Variants in SLCO2B1 observed in about 807,000 individuals in gnomAD.
The protein encoded by SLCO2B1 is OATP-RP2.
Under a neutral mutation model 67.3 loss-of-function variants are expected in SLCO2B1, and 41 were observed. That is an observed-to-expected ratio of 0.61 (90% CI 0.47 to 0.79). SLCO2B1 has a LOEUF of 0.79. Among genes scored for constraint, SLCO2B1 ranks in the 30% least tolerant of loss-of-function variants. SLCO2B1 has a pLI of 0.00. For missense variants in SLCO2B1, 837 were observed against 920.1 expected (o/e 0.91, Z 1.17); for synonymous variants, 379 against 381.4 (o/e 0.99, Z 0.07).
At chr11:75,191,530 T>C (rs1380008024) in intron 8 of SLCO2B1, among the ~76,000 whole-genome samples, 1 of 152,186 alleles carries the variant, frequency 6.6e-6, no homozygotes, top group Non-Finnish European at 1.5e-5. Context: ...TGTTTGTTTT[T>C]ATTTTCTGGT....
Position 75,206,478 on chromosome 11 carries a change from G to A in SLCO2B1, c.*1898G>A, listed in dbSNP as rs149229560. ...ATGGAATAAGGTCATGAGGATTTCT[G>A]AATCCTCACCTGTCCAAATTGTCAT... is the stretch of plus-strand genomic sequence containing the variant. On this transcript the variant is annotated 3_prime_UTR_variant, in exon 14 of 14. Transcript: ENST00000289575. 7 of 152,256 alleles carry A rather than the reference G, an allele frequency of 4.6e-5. No individual in the cohort carries two copies. The East Asian group carries it at 1.4e-3, about 29-fold the overall frequency. 9.4% of individuals were successfully genotyped at this position (152,256 alleles called of 1,614,324 possible). A position where few individuals can be genotyped will look rare whatever the true frequency, so the allele number is the denominator to read the frequency against.
In SLCO2B1 at chr11:75,206,287, A is replaced by T. The variant is rs953515433; in HGVS notation, c.*1707A>T. 1.3e-5 allele frequency: 2 copies of T among 152,246 alleles called. No homozygotes were observed. The highest frequency in any genetic ancestry group is 4.8e-5 in the African/African-American group (2 of 41,464). 9.4% of individuals were successfully genotyped at this position (152,246 alleles called of 1,614,324 possible). ...TCTATTACAAAAATTCTTTCTTCAT[A>T]AACTGCATTAGAGGTTTGCAACAAC... On this transcript the variant is annotated 3_prime_UTR_variant, in exon 14 of 14. Transcript: ENST00000289575.
intron 1 of SLCO2B1, among the ~76,000 whole-genome samples, chr11:75,152,881 G>A (rs2140298826): frequency 6.6e-6 from 1 of 152,294 alleles, no homozygotes; most frequent in African/African-American, 2.4e-5. Context: ...GGGAATGTGG[G>A]TGGGGTAGGA....
intron 1 of SLCO2B1, among the ~76,000 whole-genome samples, chr11:75,162,288 G>C (rs1000283708): frequency 1.3e-5 from 2 of 152,186 alleles, no homozygotes; most frequent in African/African-American, 2.4e-5. Context: ...CCCAAGGCAG[G>C]CTGAGAGTCT....
intron 1 of SLCO2B1, 139 bp downstream of exon 1, chr11:75,151,536 G>A (rs566867260): frequency 1.1e-4 from 93 of 813,612 alleles, no homozygotes; most frequent in African/African-American, 9.1e-4. Flanking sequence ...GCACATGGCC[G>A]GAGTTCAGTG....
Position 75,151,182 on chromosome 11 carries a change from G to C in SLCO2B1, c.-200G>C. On this transcript the variant is annotated 5_prime_UTR_variant, in exon 1 of 14. Transcript: ENST00000289575. ...GAGTTTGAGCAAGACTCCCTAACCT[G>C]TGTCTGGACAAGTCTGATGTCCTGT... is the stretch of plus-strand genomic sequence containing the variant. The C allele has an allele frequency of 1.7e-6, 1 of 584,724 alleles. No individual in the cohort carries two copies. Among genetic ancestry groups the C allele is most frequent in the South Asian group, 2.2e-5 (1 of 45,670 alleles). 36.2% of individuals were successfully genotyped at this position (584,724 alleles called of 1,614,324 possible).
At chr11:75,170,053 G>A in intron 6 of SLCO2B1, 1 of 367,812 alleles carries the variant, frequency 2.7e-6, no homozygotes, top group South Asian at 3.1e-5. Flanking sequence ...TCTTCGCCTT[G>A]TTCCATACCC....
At chr11:75,173,267 C>T (rs112971141) in intron 7 of SLCO2B1, among the ~76,000 whole-genome samples, 1 of 152,144 alleles carries the variant, frequency 6.6e-6, no homozygotes, top group African/African-American at 2.4e-5. Flanking sequence ...GGAAGACTTC[C>T]CTGAAGAGGA....
chr11:75,170,516 C>T (rs1236392343), intron 6 of SLCO2B1, among the ~76,000 whole-genome samples: 2 of 152,190 alleles, frequency 1.3e-5, no homozygotes, highest in African/African-American at 2.4e-5. Context: ...CAGCTCCCAA[C>T]TCGTCGCACC....
intron 3 of SLCO2B1, among the ~76,000 whole-genome samples, chr11:75,164,985 G>A (rs1295252437): frequency 2.0e-5 from 3 of 152,126 alleles, no homozygotes; most frequent in African/African-American, 4.8e-5. Flanking sequence ...CTCCCCCAGC[G>A]AGGAGTGTCT....
intron 6 of SLCO2B1, among the ~76,000 whole-genome samples, chr11:75,170,279 T>C (rs1949942926): frequency 6.6e-6 from 1 of 152,216 alleles, no homozygotes; most frequent in South Asian, 2.1e-4. Context: ...TACTGTGACC[T>C]CTAAGAACCC....
intron 8 of SLCO2B1, among the ~76,000 whole-genome samples, chr11:75,192,561 G>T (rs557129012): frequency 6.6e-6 from 1 of 152,218 alleles, no homozygotes; most frequent in South Asian, 2.1e-4. Flanking sequence ...TGGGTGGGGC[G>T]GGGGAGAGGA....
At chr11:75,198,366 G>A (rs1945132497) in intron 10 of SLCO2B1, among the ~76,000 whole-genome samples, 1 of 152,250 alleles carries the variant, frequency 6.6e-6, no homozygotes, top group African/African-American at 2.4e-5. Flanking sequence ...GGAATGTGCT[G>A]AATAAATGCT....
intron 7 of SLCO2B1, among the ~76,000 whole-genome samples, chr11:75,175,903 A>G (rs1347119434): frequency 1.3e-5 from 2 of 152,146 alleles, no homozygotes; most frequent in African/African-American, 4.8e-5. Flanking sequence ...CCCCACAGAG[A>G]AGAGCAGGAC....
At chr11:75,157,519 C>T (rs1307171820) in intron 1 of SLCO2B1, among the ~76,000 whole-genome samples, 3 of 151,922 alleles carry the variant, frequency 2.0e-5, no homozygotes, top group Non-Finnish European at 4.4e-5. Flanking sequence ...GGATGAATGG[C>T]GATGTCAGGA....
intron 7 of SLCO2B1, 49 bp downstream of exon 7, chr11:75,172,618 C>T (rs1949976287): frequency 4.6e-6 from 7 of 1,508,898 alleles, no homozygotes; most frequent in Non-Finnish European, 6.4e-6. Context: ...CAGCACCACC[C>T]ACTTGTTCTC....
At chr11:75,158,910 G>T (rs1949778162) in intron 1 of SLCO2B1, among the ~76,000 whole-genome samples, 1 of 152,172 alleles carries the variant, frequency 6.6e-6, no homozygotes, top group African/African-American at 2.4e-5. Flanking sequence ...AAGGAAGGCG[G>T]TCCTTGCAGT....
At chr11:75,184,474 C>G (rs1950126658) in intron 7 of SLCO2B1, among the ~76,000 whole-genome samples, 2 of 152,232 alleles carry the variant, frequency 1.3e-5, no homozygotes, top group South Asian at 4.1e-4. Flanking sequence ...TTTCTCAGAG[C>G]TCTCTGACCA....
At chr11:75,176,876 A>G (rs1222779322) in intron 7 of SLCO2B1, among the ~76,000 whole-genome samples, 9 of 152,110 alleles carry the variant, frequency 5.9e-5, no homozygotes, top group Non-Finnish European at 1.2e-4. Context: ...GCTGCATCTC[A>G]CTGACGGAGG....
Sources: allele counts gnomAD v4.1 joint callset (sites outside exome capture counted in the v4.1 genomes callset), GRCh38; gene constraint gnomAD v4.1.1; transcripts MANE v1.5; gene names NCBI Gene and HGNC (gene_info 2026-07-23, HGNC 2026-07-21).